Variants in CACNG3 observed in about 807,000 individuals in gnomAD.
The protein encoded by CACNG3 is calcium voltage-gated channel auxiliary subunit gamma 3.
Under a neutral mutation model 28.5 loss-of-function variants are expected in CACNG3, and 3 were observed. The ratio of observed to expected loss-of-function variants is 0.11; its 90% CI spans 0.05 to 0.27. The LOEUF (loss-of-function observed/expected upper bound fraction) is 0.27, where lower values mean the gene tolerates loss of function less well. Ranked by LOEUF, CACNG3 falls within the 10% of genes least tolerant of loss-of-function variation. The probability of loss-of-function intolerance (pLI) is 1.00; values close to 1 mark genes in which losing one functional copy is unlikely to be tolerated. For missense variants in CACNG3, 236 were observed against 414.4 expected, an observed-to-expected ratio of 0.57 and a Z score of 3.74; for synonymous variants, 174 against 162.2, an observed-to-expected ratio of 1.07 and a Z score of -0.55.
At chr16:24,338,290 A>G (rs1380306657) in intron 1 of CACNG3, among the ~76,000 whole-genome samples, 1 of 151,928 alleles carries the variant, frequency 6.6e-6, no homozygotes, top group Non-Finnish European at 1.5e-5. Flanking sequence ...GCCCCCACCC[A>G]ATGAAGAGTT....
At position 24,256,883 on chromosome 16, in the gene CACNG3, A is replaced by G; in HGVS notation, c.129A>G (p.Lys43=). The G allele has an allele frequency of 6.2e-7, 1 of 1,613,962 alleles. No individual in the cohort carries two copies. Among genetic ancestry groups the G allele is most frequent in the Non-Finnish European group, 8.5e-7 (1 of 1,179,794 alleles). Residue 43 remains lysine, a synonymous_variant, in exon 1 of 4, where the codon AAA becomes AAG. Transcript: ENST00000005284. The surrounding 1 kb of genome is among the most constrained non-coding windows in gnomAD (Gnocchi z 4.6). ...ATTCCAGAGGTGTGTGCAGGACTAA[A>G]TCTACAAGTGATAATGAAACCAGCA... The part of the protein sequence containing the change: ...WLYSRGVCRT[K]STSDNETSRK...
intron 1 of CACNG3, among the ~76,000 whole-genome samples, chr16:24,344,825 A>G (rs912690652): frequency 5.9e-5 from 9 of 152,238 alleles, no homozygotes; most frequent in Admixed American, 1.3e-4. Flanking sequence ...ATCATAATAG[A>G]CATCATGATA....
intron 1 of CACNG3, among the ~76,000 whole-genome samples, chr16:24,315,787 T>C (rs1027297894): frequency 2.0e-5 from 3 of 152,178 alleles, no homozygotes; most frequent in African/African-American, 7.2e-5. Flanking sequence ...GTCTCCCAAG[T>C]AGCTGGGATT....
intron 1 of CACNG3, among the ~76,000 whole-genome samples, chr16:24,283,126 C>A (rs1235726905): frequency 6.6e-6 from 1 of 152,032 alleles, no homozygotes; most frequent in Admixed American, 6.6e-5. Flanking sequence ...CCTTGGCCTC[C>A]TGAAGGACTC....
intron 1 of CACNG3, among the ~76,000 whole-genome samples, chr16:24,343,561 A>G (rs962252393): frequency 6.6e-6 from 1 of 152,210 alleles, no homozygotes; most frequent in African/African-American, 2.4e-5. Flanking sequence ...CCACTGGTCC[A>G]GTTCATTGCC....
chr16:24,267,104 C>T (rs1275470063), intron 1 of CACNG3, among the ~76,000 whole-genome samples: 1 of 151,408 alleles, frequency 6.6e-6, no homozygotes, highest in African/African-American at 2.4e-5. Context: ...GTAGCTGGGA[C>T]TACAGGAGCC....
At chr16:24,270,905 A>G (rs1435518837) in intron 1 of CACNG3, among the ~76,000 whole-genome samples, 1 of 152,238 alleles carries the variant, frequency 6.6e-6, no homozygotes, top group Non-Finnish European at 1.5e-5. Flanking sequence ...GGGGATGGGC[A>G]TTCCAGGCAG....
At position 24,279,252 on chromosome 16, in the gene CACNG3, C is replaced by T. The variant is rs117449858; in HGVS notation, c.211+22287C>T. ...TTTTCATTTTTGAGGCTCATTCTGG[C>T]GGAAGTGTGGGACATGGACTGGGGA... On this transcript the variant is annotated intron_variant, in intron 1 of 3. Transcript: ENST00000005284. 1.6e-4 allele frequency among the ~76,000 whole-genome samples: 25 copies of T among 152,124 alleles called. No individual in the cohort carries two copies. In the East Asian group the frequency reaches 3.7e-3, roughly 22 times the overall value.
chr16:24,331,764 G>T (rs1362794388), intron 1 of CACNG3, among the ~76,000 whole-genome samples: 2 of 152,104 alleles, frequency 1.3e-5, no homozygotes, highest in African/African-American at 2.4e-5. Flanking sequence ...AGCTTGTCTT[G>T]GTTCTAGAAA....
intron 1 of CACNG3, among the ~76,000 whole-genome samples, chr16:24,275,448 G>A (rs1596623713): frequency 6.6e-6 from 1 of 152,218 alleles, no homozygotes; most frequent in Non-Finnish European, 1.5e-5. Context: ...TACAGTCTGA[G>A]TAACCAAATG....
intron 1 of CACNG3, among the ~76,000 whole-genome samples, chr16:24,276,209 T>C (rs538124791): frequency 1.3e-5 from 2 of 152,282 alleles, no homozygotes; most frequent in South Asian, 4.1e-4. Flanking sequence ...GTAAAAACAA[T>C]TCTTCTCACT....
At chr16:24,346,936 G>A (rs1899877800) in intron 2 of CACNG3, 119 bp downstream of exon 2, 4 of 732,366 alleles carry the variant, frequency 5.5e-6, no homozygotes, top group Non-Finnish European at 9.5e-6. Flanking sequence ...TAAGTGCAAA[G>A]AAGCCCCATG....
chr16:24,314,326 G>A (rs917702388), intron 1 of CACNG3, among the ~76,000 whole-genome samples: 1 of 152,148 alleles, frequency 6.6e-6, no homozygotes, highest in African/African-American at 2.4e-5. Flanking sequence ...CTCAGTGTGG[G>A]ACCTCGCATA....
rs957994689 is a variant in CACNG3, at chr16:24,340,112, A to C, written c.212-6622A>C. ...TGGCAAGACCCCCATCTCTACAAAA[A>C]ATATAAAAATTGGCTGGTTGTGGTG... On this transcript the variant is annotated intron_variant, in intron 1 of 3. Transcript: ENST00000005284. 3.9e-5 allele frequency among the ~76,000 whole-genome samples: 6 copies of C among 152,192 alleles called. No individual in the cohort carries two copies. The East Asian group carries it at 1.2e-3, about 29-fold the overall frequency.
intron 1 of CACNG3, among the ~76,000 whole-genome samples, chr16:24,306,977 C>T (rs1439128995): frequency 6.6e-6 from 1 of 152,160 alleles, no homozygotes; most frequent in Non-Finnish European, 1.5e-5. Flanking sequence ...AGTGCCGCTC[C>T]GGGTACTGCT....
chr16:24,292,638 C>T (rs1898981059), intron 1 of CACNG3, among the ~76,000 whole-genome samples: 4 of 152,148 alleles, frequency 2.6e-5, no homozygotes, highest in Admixed American at 2.6e-4. Flanking sequence ...CTCTCTACTC[C>T]TCTTCTCCGT....
At chr16:24,315,927 G>A (rs2238515) in intron 1 of CACNG3, among the ~76,000 whole-genome samples, 3,994 of 152,246 alleles carry the variant, frequency 0.026, 153 homozygotes, top group African/African-American at 0.082. Context: ...CCAAAATGCT[G>A]GAGTTACAGG....
chr16:24,262,854 T>C (rs2141343969), intron 1 of CACNG3, among the ~76,000 whole-genome samples: 1 of 152,350 alleles, frequency 6.6e-6, no homozygotes, highest in South Asian at 2.1e-4. Flanking sequence ...TGGATTAGAA[T>C]AAAGGCAAGT....
Position 24,319,669 on chromosome 16 carries a change from G to A in CACNG3, c.212-27065G>A, listed in dbSNP as rs568778249. Among the ~76,000 whole-genome samples, 8 of 152,078 alleles carry A rather than the reference G, an allele frequency of 5.3e-5. No homozygotes were observed. The East Asian group carries it at 1.5e-3, about 29-fold the overall frequency. Reference sequence around the variant, plus strand: ...GAGTCTTGCTGTGTTGCCCAGGCTGGTCTTGTACTCTTGGCCTCAAGCAAT... The same window carrying A: ...GAGTCTTGCTGTGTTGCCCAGGCTGATCTTGTACTCTTGGCCTCAAGCAAT... On this transcript the variant is annotated intron_variant, in intron 1 of 3. Transcript: ENST00000005284.
Sources: gnomAD v4.1 joint callset for allele counts (sites outside exome capture counted in the v4.1 genomes callset) on GRCh38, gnomAD v4.1.1 for gene constraint, Gnocchi (gnomAD v3.1) non-coding constraint, MANE v1.5 for transcripts, NCBI Gene and HGNC (gene_info 2026-07-23, HGNC 2026-07-21) for gene names.